Variants in PTDSS2 observed in about 807,000 individuals in gnomAD.
The protein encoded by PTDSS2 is phosphatidylserine synthase 2, also known as PSS-2.
In PTDSS2, 41 loss-of-function variants were observed where a neutral mutation model predicts 64.7. The ratio of observed to expected loss-of-function variants is 0.63; its 90% CI spans 0.49 to 0.82. The LOEUF (loss-of-function observed/expected upper bound fraction) is 0.82, where lower values mean the gene tolerates loss of function less well. Ranked by LOEUF, PTDSS2 falls within the 40% of genes least tolerant of loss-of-function variation. PTDSS2 has a pLI of 0.00. For synonymous variants in PTDSS2, 297 were observed against 277.8 expected, an observed-to-expected ratio of 1.07 and a Z score of -0.69; for missense variants, 485 against 650.0, an observed-to-expected ratio of 0.75 and a Z score of 2.76.
chr11:488,154 G>A, intron 6 of PTDSS2, 45 bp from the exon 7 acceptor site: 1 of 1,440,464 alleles, frequency 6.9e-7, no homozygotes, highest in Non-Finnish European at 9.7e-7. Context: ...GGCAGGGCCG[G>A]GTGTGGCCGG....
intron 10 of PTDSS2, 68 bp from the exon 11 acceptor site, chr11:489,815 A>G (rs2133845949): frequency 6.4e-7 from 1 of 1,550,798 alleles, no homozygotes; most frequent in Non-Finnish European, 8.7e-7. Flanking sequence ...GGGAGGCCGG[A>G]GCCTGGGCAA....
At chr11:449,006 A>G (rs1846208078), upstream of PTDSS2, among the ~76,000 whole-genome samples, 1 of 151,350 alleles carries the variant, frequency 6.6e-6, no homozygotes, top group African/African-American at 2.4e-5. Context: ...CATTTCCTGG[A>G]CATTTCATAC....
intron 5 of PTDSS2, 54 bp from the exon 6 acceptor site, chr11:487,366 G>T (rs1848440453): frequency 6.6e-7 from 1 of 1,510,998 alleles, no homozygotes; most frequent in African/African-American, 1.4e-5. Flanking sequence ...TGCCGGTGTG[G>T]GGAGTGGGGG....
intron 1 of PTDSS2, among the ~76,000 whole-genome samples, chr11:455,934 G>A (rs1169242161): frequency 6.6e-6 from 1 of 152,086 alleles, no homozygotes; most frequent in African/African-American, 2.4e-5. Context: ...TGGCTGTGAT[G>A]GCCCAGTGTC....
chr11:480,792 G>A (rs550164811), intron 4 of PTDSS2, among the ~76,000 whole-genome samples: 6 of 152,168 alleles, frequency 3.9e-5, no homozygotes, highest in South Asian at 4.1e-4. Context: ...CAAATGATCC[G>A]CCTGCATTGA....
chr11:489,659 C>T lies in PTDSS2; in HGVS notation c.1041C>T (p.Val347=). Residue 347 remains valine, a synonymous_variant, in exon 10 of 12, where the codon GTC becomes GTT. Transcript: ENST00000308020. ...GGATGCCCCCGGAGCACTACCTGGT[C>T]CTCCTGCGGCTCGTCTTCTTCGTGA... The part of the protein sequence containing the change: ...VLWMPPEHYL[V]LLRLVFFVNV... 1 of 1,602,844 alleles carries T rather than the reference C, an allele frequency of 6.2e-7. No individual in the cohort carries two copies. Among genetic ancestry groups the T allele is most frequent in the South Asian group, 1.1e-5 (1 of 89,452 alleles).
intron 2 of PTDSS2, among the ~76,000 whole-genome samples, chr11:468,470 G>T (rs1047647766): frequency 6.6e-6 from 1 of 152,260 alleles, no homozygotes; most frequent in Admixed American, 6.5e-5. Context: ...TCATTGAGGA[G>T]ATGGGGGTCC....
At chr11:487,168 C>A in intron 5 of PTDSS2, 95 bp downstream of exon 5, 4 of 1,233,250 alleles carry the variant, frequency 3.2e-6, no homozygotes, top group Non-Finnish European at 4.6e-6. Context: ...ACCCCTCAGC[C>A]CACACTTGGG....
chr11:473,791 CAG>C, intron 2 of PTDSS2, 102 bp from the exon 3 acceptor site: 2 of 896,868 alleles, frequency 2.2e-6, no homozygotes, highest in East Asian at 2.4e-5. Context: ...GCCCCAGCAT[CAG>C]GGGCTGTTCC....
At chr11:471,097 CTTTTTT>C (rs36051705) in intron 2 of PTDSS2, among the ~76,000 whole-genome samples, 1 of 129,300 alleles carries the variant, frequency 7.7e-6, no homozygotes, top group African/African-American at 3.0e-5. Flanking sequence ...TTAAGTAATT[CTTTTTT>C]TTTTTTTTTT....
At chr11:466,276 GT>G (rs1221650695) in intron 2 of PTDSS2, among the ~76,000 whole-genome samples, 1 of 152,100 alleles carries the variant, frequency 6.6e-6, no homozygotes, top group East Asian at 1.9e-4. Flanking sequence ...TCGACTCACA[GT>G]TCCGAATTGC....
intron 2 of PTDSS2, among the ~76,000 whole-genome samples, chr11:465,202 T>G (rs1847088546): frequency 6.6e-6 from 1 of 152,240 alleles, no homozygotes. Flanking sequence ...CTTCTCTTTT[T>G]GTTTTTGAGA....
Position 479,509 on chromosome 11 carries a change from C to T in PTDSS2, c.435+357C>T, listed in dbSNP as rs552570528. The T allele has an allele frequency of 2.6e-5, 9 of 342,344 alleles. No individual in the cohort carries two copies. The highest frequency in any genetic ancestry group is 4.9e-5 in the Non-Finnish European group (9 of 183,492). 21.2% of individuals were successfully genotyped at this position (342,344 alleles called of 1,614,324 possible). On this transcript the variant is annotated intron_variant, in intron 4 of 11. Transcript: ENST00000308020. The surrounding 1 kb of genome is among the most constrained non-coding windows in gnomAD (Gnocchi z 4.2). Reference sequence around the variant, plus strand: ...GCCAGTGGTGCAGCTGCCAGGGTGGCTTTGCCCACAGCTGTCGTATCTGAG... The same window carrying T: ...GCCAGTGGTGCAGCTGCCAGGGTGGTTTTGCCCACAGCTGTCGTATCTGAG...
chr11:472,837 G>A (rs1847536276), intron 2 of PTDSS2, among the ~76,000 whole-genome samples: 1 of 152,228 alleles, frequency 6.6e-6, no homozygotes. Flanking sequence ...GTGTGTGTGT[G>A]CAGCTTCCCT....
rs1846851957 is a variant in PTDSS2 at position 460,940 on chromosome 11, G to A, written c.284+652G>A. 1 of 152,548 alleles carries A rather than the reference G, an allele frequency of 6.6e-6. No individual in the cohort carries two copies. The highest frequency in any genetic ancestry group is 6.5e-5 in the Admixed American group (1 of 15,314). The allele number at this position is 152,548 out of a possible 1,614,324, so 9.4% of individuals were successfully genotyped here. Reference sequence around the variant, plus strand: ...GCGTTGCTCTTCCGACGCGCGCACAGGGTGTGTCTGCCCAGGGCTGCCTCC... The same window carrying A: ...GCGTTGCTCTTCCGACGCGCGCACAAGGTGTGTCTGCCCAGGGCTGCCTCC... On this transcript the variant is annotated intron_variant, in intron 2 of 11. Coordinates refer to ENST00000308020, the MANE Select transcript of PTDSS2 (RefSeq NM_030783.3). This position sits in a 1 kb window ranked among gnomAD's most constrained non-coding sequence, Gnocchi z 5.8.
rs543970291 is a variant in PTDSS2, at chr11:490,908, T to G, written c.*326T>G. ...GGAGCTGGCTGGCGTGGCAAGGGCA[T>G]GCTCTGGGGCAGTGTGTCCCTCAGG... On this transcript the variant is annotated 3_prime_UTR_variant, in exon 12 of 12. Coordinates refer to ENST00000308020, the MANE Select transcript of PTDSS2 (RefSeq NM_030783.3). 5.5e-6 allele frequency: 2 copies of G among 365,536 alleles called. No individual in the cohort carries two copies. Among genetic ancestry groups the G allele is most frequent in the African/African-American group, 4.2e-5 (2 of 47,658 alleles). 22.6% of individuals were successfully genotyped at this position (365,536 alleles called of 1,614,324 possible).
chr11:472,034 C>T (rs1375955957), intron 2 of PTDSS2, among the ~76,000 whole-genome samples: 2 of 135,110 alleles, frequency 1.5e-5, no homozygotes, highest in East Asian at 2.1e-4. Context: ...GGGTGATGCG[C>T]GCCTGTCGGG....
intron 4 of PTDSS2, among the ~76,000 whole-genome samples, chr11:484,549 C>T (rs752669146): frequency 9.1e-5 from 13 of 142,250 alleles, no homozygotes; most frequent in Admixed American, 1.3e-4. Context: ...AAACAGTGCA[C>T]GGGCGCGTGT....
chr11:468,949 GTC>G lies in PTDSS2; in HGVS notation c.285-4942_285-4941del, dbSNP rs1290778857. ...TCTGGGTAATCGGAGAAAGAGGGGA[GTC>G]TCTGGGTAATCGGAGGGAGGAGGAG... On this transcript the variant is annotated intron_variant, in intron 2 of 11. Transcript: ENST00000308020. Among the ~76,000 whole-genome samples the G allele has an allele frequency of 2.7e-5, 4 of 148,744 alleles. No homozygotes were observed. In the East Asian group the frequency reaches 8.1e-4, roughly 30 times the overall value.
Sources: allele counts gnomAD v4.1 joint callset (sites outside exome capture counted in the v4.1 genomes callset), GRCh38; gene constraint gnomAD v4.1.1; non-coding constraint Gnocchi (gnomAD v3.1); transcripts MANE v1.5; gene names NCBI Gene and HGNC (gene_info 2026-07-23, HGNC 2026-07-21).